DIAPH2: variants seen among roughly 807,000 people sequenced by gnomAD.
DIAPH2 encodes protein diaphanous homolog 2.
Under a neutral mutation model 92.7 loss-of-function variants are expected in DIAPH2, and 35 were observed. The ratio of observed to expected loss-of-function variants is 0.38; its 90% CI spans 0.29 to 0.50. The LOEUF (loss-of-function observed/expected upper bound fraction) is 0.50. Ranked by LOEUF, DIAPH2 falls within the 20% of genes least tolerant of loss-of-function variation. The pLI, the probability that DIAPH2 is intolerant of heterozygous loss-of-function variation, is 0.94. For synonymous variants in DIAPH2, 301 were observed against 280.4 expected (o/e 1.07, Z -0.73); for missense variants, 701 against 819.5 (o/e 0.86, Z 1.77).
intron 21 of DIAPH2, among the ~76,000 whole-genome samples, chrX:97,124,424 A>C (rs1023460194): frequency 8.9e-5 from 10 of 112,300 alleles, no homozygotes; most frequent in African/African-American, 3.2e-4. Context: ...TAAGTGTAAC[A>C]CTTGTTTGTT....
intron 21 of DIAPH2, among the ~76,000 whole-genome samples, chrX:97,117,512 C>T (rs1156605770): frequency 1.8e-5 from 2 of 111,884 alleles, no homozygotes; most frequent in African/African-American, 6.5e-5. Flanking sequence ...ACCATTTACT[C>T]TCCTAAATTT....
chrX:97,224,775 G>A (rs1335592328), intron 22 of DIAPH2, among the ~76,000 whole-genome samples: 2 of 111,699 alleles, frequency 1.8e-5, no homozygotes, highest in Non-Finnish European at 3.8e-5. Flanking sequence ...AATGATCTCA[G>A]TAAAGTGGGT....
chrX:96,824,877 A>T (rs1415870068), intron 4 of DIAPH2, among the ~76,000 whole-genome samples: 1 of 111,237 alleles, frequency 9.0e-6, no homozygotes, highest in Non-Finnish European at 1.9e-5. Context: ...ATCCCTTGGT[A>T]AGTGGTTGTT....
intron 19 of DIAPH2, among the ~76,000 whole-genome samples, chrX:97,094,296 A>G (rs935684158): frequency 8.9e-6 from 1 of 111,768 alleles, no homozygotes; most frequent in Non-Finnish European, 1.9e-5. Flanking sequence ...GGAACTGAGT[A>G]TAATCTGAAT....
chrX:97,450,071 T>C (rs375433037), intron 26 of DIAPH2, among the ~76,000 whole-genome samples: 2 of 111,028 alleles, frequency 1.8e-5, no homozygotes, highest in East Asian at 5.7e-4. Flanking sequence ...AAATAAACAT[T>C]AGGCTCTTAA....
intron 22 of DIAPH2, among the ~76,000 whole-genome samples, chrX:97,222,580 A>C (rs1422901134): frequency 8.9e-6 from 1 of 111,889 alleles, no homozygotes; most frequent in Non-Finnish European, 1.9e-5. Flanking sequence ...TTACCCATGC[A>C]CAGAAATCGA....
chrX:97,463,893 C>G (rs887938540), intron 26 of DIAPH2, among the ~76,000 whole-genome samples: 1 of 110,974 alleles, frequency 9.0e-6, no homozygotes, highest in Non-Finnish European at 1.9e-5. Flanking sequence ...AAGTGAATCA[C>G]TTAATCTCCC....
intron 9 of DIAPH2, among the ~76,000 whole-genome samples, chrX:96,919,646 ATTATGTATT>A (rs2065528168): frequency 1.8e-5 from 2 of 111,427 alleles, no homozygotes; most frequent in South Asian, 7.4e-4. Context: ...TATTTTTTGT[ATTATGTATT>A]TTATGTATTA....
intron 3 of DIAPH2, among the ~76,000 whole-genome samples, chrX:96,756,195 A>T (rs1057073174): frequency 9.0e-6 from 1 of 111,046 alleles, no homozygotes; most frequent in Non-Finnish European, 1.9e-5. Flanking sequence ...GTATATTCAA[A>T]GAGTGTGAAA....
intron 26 of DIAPH2, among the ~76,000 whole-genome samples, chrX:97,451,793 A>G (rs192552505): frequency 3.3e-3 from 364 of 111,219 alleles, no homozygotes; most frequent in African/African-American, 0.011. Flanking sequence ...CTTTCCCCAT[A>G]CTCCATGTTC....
chrX:97,104,068 C>G (rs1249044445), intron 20 of DIAPH2, among the ~76,000 whole-genome samples: 1 of 111,507 alleles, frequency 9.0e-6, no homozygotes, highest in Non-Finnish European at 1.9e-5. Context: ...CCCAGATTAC[C>G]TTTTTTCTTT....
chrX:97,250,925 G>GA (rs1169955388), intron 23 of DIAPH2, among the ~76,000 whole-genome samples: 2 of 111,372 alleles, frequency 1.8e-5, no homozygotes, highest in Non-Finnish European at 3.8e-5. Context: ...GTAAACATCA[G>GA]AAAAAACATA....
At chrX:96,903,133 G>A (rs202005819) in intron 5 of DIAPH2, among the ~76,000 whole-genome samples, 5 of 99,050 alleles carry the variant, frequency 5.0e-5, no homozygotes, top group African/African-American at 7.3e-5. Flanking sequence ...CTGTTACTGT[G>A]AAAAAAAAAA....
intron 4 of DIAPH2, among the ~76,000 whole-genome samples, chrX:96,850,253 G>A (rs1326860707): frequency 9.0e-6 from 1 of 111,537 alleles, no homozygotes; most frequent in Non-Finnish European, 1.9e-5. Flanking sequence ...TTTATATTTA[G>A]TATAGATACA....
chrX:97,361,996 T>G (rs2069329557), intron 24 of DIAPH2, among the ~76,000 whole-genome samples: 1 of 111,968 alleles, frequency 8.9e-6, no homozygotes, highest in African/African-American at 3.2e-5. Context: ...ATCCCAGCAC[T>G]TTGGGAGGCC....
At chrX:96,875,135 A>G (rs746494066) in intron 4 of DIAPH2, among the ~76,000 whole-genome samples, 1 of 112,669 alleles carries the variant, frequency 8.9e-6, no homozygotes, top group South Asian at 3.7e-4. Flanking sequence ...CAACATAAAT[A>G]AATAACATGT....
intron 5 of DIAPH2, chrX:96,885,087 T>G (rs1366887160): frequency 5.8e-6 from 7 of 1,202,013 alleles, no homozygotes; most frequent in Non-Finnish European, 7.9e-6. Flanking sequence ...ATTTTAAGTC[T>G]GCTGATTGAG....
intron 17 of DIAPH2, among the ~76,000 whole-genome samples, chrX:96,972,788 C>T (rs1344274652): frequency 2.7e-5 from 3 of 110,873 alleles, no homozygotes; most frequent in Non-Finnish European, 1.9e-5. Context: ...GAAGGAAAGA[C>T]GGCATTCTAG....
chrX:97,151,983 C>A (rs968981593), intron 22 of DIAPH2, among the ~76,000 whole-genome samples: 2 of 111,437 alleles, frequency 1.8e-5, no homozygotes, highest in Admixed American at 1.9e-4. Flanking sequence ...GCTGCCACAG[C>A]AGAATCATAA....
Sources: gnomAD v4.1 joint callset for allele counts (sites outside exome capture counted in the v4.1 genomes callset) on GRCh38, gnomAD v4.1.1 for gene constraint, MANE v1.5 for transcripts, NCBI Gene and HGNC (gene_info 2026-07-23, HGNC 2026-07-21) for gene names.